The following BORCS5 variants were observed in gnomAD, a reference collection of about 807,000 sequenced individuals.
BORCS5 encodes BLOC-1-related complex subunit 5.
BORCS5 carries 17 observed loss-of-function variants against 22.1 expected under a neutral mutation model. The observed-to-expected ratio is 0.77, with a 90% CI of 0.53 to 1.15. BORCS5 has a LOEUF of 1.15. Ranked by LOEUF, BORCS5 falls within the 50% of genes most tolerant of loss-of-function variation. The probability of loss-of-function intolerance (pLI) is 0.00; values close to 1 mark genes in which losing one functional copy is unlikely to be tolerated. For synonymous variants in BORCS5, 117 were observed against 99.8 expected (o/e 1.17, Z -1.03); for missense variants, 247 against 253.2 (o/e 0.98, Z 0.17).
intron 1 of BORCS5, among the ~76,000 whole-genome samples, chr12:12,357,762 A>G (rs1460829725): frequency 2.0e-5 from 3 of 152,334 alleles, no homozygotes; most frequent in South Asian, 4.1e-4. Context: ...TCTCCCAGCT[A>G]CAGCCTCCTG....
At chr12:12,369,113 G>A (rs977783656) in intron 2 of BORCS5, among the ~76,000 whole-genome samples, 3 of 152,028 alleles carry the variant, frequency 2.0e-5, no homozygotes, top group African/African-American at 7.2e-5. Flanking sequence ...TGTTTTGAAA[G>A]TCTATTATTA....
rs543398546 is a variant in BORCS5, at chr12:12,438,372, A to C, written c.360+2587A>C. 1.4e-4 allele frequency among the ~76,000 whole-genome samples: 18 copies of C among 129,824 alleles called. No homozygotes were observed. The East Asian group carries it at 3.1e-3, about 23-fold the overall frequency. 85.2% of individuals were successfully genotyped at this position (129,824 alleles called of 152,430 possible). On this transcript the variant is annotated intron_variant, in intron 3 of 3. Transcript: ENST00000314565. ...CCAGATTTCATCTCAAAAAAAAAAA[A>C]AAAAAAAACGAAAAACAACAACAAA...
intron 2 of BORCS5, among the ~76,000 whole-genome samples, chr12:12,411,916 C>T (rs1941744987): frequency 6.6e-6 from 1 of 152,074 alleles, no homozygotes; most frequent in Non-Finnish European, 1.5e-5. Context: ...GGTCTTGGTG[C>T]CCCCAACAAT....
chr12:12,430,130 A>G (rs1592120433), intron 2 of BORCS5, among the ~76,000 whole-genome samples: 1 of 144,416 alleles, frequency 6.9e-6, no homozygotes, highest in Non-Finnish European at 1.5e-5. Context: ...TTGTTATACC[A>G]CTTTAATCAC....
At chr12:12,426,020 A>G (rs1025894546) in intron 2 of BORCS5, among the ~76,000 whole-genome samples, 13 of 152,210 alleles carry the variant, frequency 8.5e-5, no homozygotes, top group Non-Finnish European at 1.5e-4. Context: ...TTAATATGTC[A>G]CACTTACAGA....
chr12:12,361,121 C>T (rs1426724039), intron 1 of BORCS5, 85 bp from the exon 2 acceptor site: 1 of 1,348,036 alleles, frequency 7.4e-7, no homozygotes, highest in African/African-American at 1.5e-5. Context: ...TAAAATTATT[C>T]TTTTTAATCA....
chr12:12,442,326 T>C (rs940226369), intron 3 of BORCS5, among the ~76,000 whole-genome samples: 2 of 152,166 alleles, frequency 1.3e-5, no homozygotes, highest in African/African-American at 4.8e-5. Flanking sequence ...TGTCAGTGGG[T>C]AAATGTGTCA....
chr12:12,430,265 C>T (rs1217514931), intron 2 of BORCS5, among the ~76,000 whole-genome samples: 1 of 150,920 alleles, frequency 6.6e-6, no homozygotes, highest in Non-Finnish European at 1.5e-5. Context: ...ATTCTCCTGC[C>T]TCAGCCTCCC....
chr12:12,433,641 T>C (rs1942485936), intron 2 of BORCS5, among the ~76,000 whole-genome samples: 1 of 152,156 alleles, frequency 6.6e-6, no homozygotes, highest in African/African-American at 2.4e-5. Context: ...AAAATTTCAA[T>C]TAAAAAATTC....
At chr12:12,374,046 G>A (rs571003908) in intron 2 of BORCS5, among the ~76,000 whole-genome samples, 1 of 143,550 alleles carries the variant, frequency 7.0e-6, no homozygotes, top group Admixed American at 7.1e-5. Flanking sequence ...TGAGTGCAGT[G>A]GTGCAATCTC....
At chr12:12,460,284 T>C (rs1360072785) in intron 3 of BORCS5, among the ~76,000 whole-genome samples, 2 of 152,248 alleles carry the variant, frequency 1.3e-5, no homozygotes, top group Non-Finnish European at 2.9e-5. Context: ...GTAAATAGTA[T>C]TCTTTTATTC....
chr12:12,427,042 A>T (rs1430528491), intron 2 of BORCS5, among the ~76,000 whole-genome samples: 1 of 152,128 alleles, frequency 6.6e-6, no homozygotes, highest in African/African-American at 2.4e-5. Flanking sequence ...CAGGGTGGGG[A>T]TAAATGTTCT....
At chr12:12,442,199 C>T in intron 3 of BORCS5, among the ~76,000 whole-genome samples, 1 of 151,222 alleles carries the variant, frequency 6.6e-6, no homozygotes, top group Admixed American at 6.5e-5. Flanking sequence ...ACTTCTGCCT[C>T]ATTCTAGTTG....
intron 3 of BORCS5, among the ~76,000 whole-genome samples, chr12:12,455,892 T>C (rs1411556005): frequency 6.6e-6 from 1 of 152,172 alleles, no homozygotes; most frequent in Non-Finnish European, 1.5e-5. Flanking sequence ...ATTGATCATA[T>C]GGATGTGAAT....
intron 2 of BORCS5, among the ~76,000 whole-genome samples, chr12:12,418,085 G>A (rs1005519532): frequency 5.3e-5 from 8 of 150,690 alleles, no homozygotes; most frequent in Non-Finnish European, 1.0e-4. Flanking sequence ...GTGCAGTGAC[G>A]CAATCTCAGC....
At chr12:12,376,454 C>G (rs955678008) in intron 2 of BORCS5, among the ~76,000 whole-genome samples, 1 of 152,020 alleles carries the variant, frequency 6.6e-6, no homozygotes, top group African/African-American at 2.4e-5. Flanking sequence ...AGGATAGTCT[C>G]TATCTCCTGA....
intron 3 of BORCS5, among the ~76,000 whole-genome samples, chr12:12,447,186 C>T (rs946337647): frequency 7.2e-5 from 11 of 152,302 alleles, no homozygotes; most frequent in Non-Finnish European, 7.3e-5. Flanking sequence ...CTGCAAAATC[C>T]GTGAAATTCA....
In BORCS5 at chr12:12,433,373, A is replaced by G. The variant is rs1043265236; in HGVS notation, c.203-2255A>G. The stretch of plus-strand genomic sequence containing the variant: ...AGGAAATCTGCCCGGGTGCAGCGGC[A>G]TACTCCTGTAGTCCCAGCTACTTGG... On this transcript the variant is annotated intron_variant, in intron 2 of 3. Transcript: ENST00000314565. 3.3e-5 allele frequency among the ~76,000 whole-genome samples: 5 copies of G among 149,990 alleles called. No individual in the cohort carries two copies. In the East Asian group the frequency reaches 5.9e-4, roughly 18 times the overall value.
chr12:12,387,678 G>A, intron 2 of BORCS5, among the ~76,000 whole-genome samples: 1 of 151,242 alleles, frequency 6.6e-6, no homozygotes, highest in East Asian at 1.9e-4. Context: ...AGCTTTTTTG[G>A]CAGCCACATG....
Sources: allele counts gnomAD v4.1 joint callset (sites outside exome capture counted in the v4.1 genomes callset), GRCh38; gene constraint gnomAD v4.1.1; transcripts MANE v1.5; gene names NCBI Gene and HGNC (gene_info 2026-07-23, HGNC 2026-07-21).